ANTXRL: variants seen among roughly 807,000 people sequenced by gnomAD.
ANTXRL encodes the protein anthrax toxin receptor-like.
ANTXRL carries 63 observed loss-of-function variants against 75.4 expected under a neutral mutation model. The observed-to-expected ratio is 0.84, with a 90% CI of 0.68 to 1.03. The LOEUF (loss-of-function observed/expected upper bound fraction) is 1.03, where lower values mean the gene tolerates loss of function less well. Among genes scored for constraint, ANTXRL ranks in the 50% least tolerant of loss-of-function variants. ANTXRL has a pLI of 0.00. For synonymous variants in ANTXRL, 335 were observed against 291.3 expected, an observed-to-expected ratio of 1.15 and a Z score of -1.53; for missense variants, 797 against 789.4, an observed-to-expected ratio of 1.01 and a Z score of -0.12.
At chr10:46,288,686 A>T (rs1836859616) in intron 1 of ANTXRL, among the ~76,000 whole-genome samples, 1 of 152,086 alleles carries the variant, frequency 6.6e-6, no homozygotes, top group Non-Finnish European at 1.5e-5. Context: ...CACCTTGCCA[A>T]GTGTGATGAG....
intron 12 of ANTXRL, chr10:46,308,701 G>C (rs562647233): frequency 2.1e-5 from 7 of 338,436 alleles, no homozygotes; most frequent in African/African-American, 1.5e-4. Context: ...GTGCGTGGAT[G>C]TGCCCACGGT....
intron 1 of ANTXRL, among the ~76,000 whole-genome samples, chr10:46,290,452 C>G (rs1414189311): frequency 2.6e-5 from 4 of 152,200 alleles, no homozygotes; most frequent in African/African-American, 9.7e-5. Flanking sequence ...AGTCCCTACT[C>G]TCACTTCTTT....
At chr10:46,290,045 C>CTTTTT (rs34276033) in intron 1 of ANTXRL, among the ~76,000 whole-genome samples, 2,435 of 119,532 alleles carry the variant, frequency 0.02, 121 homozygotes, top group East Asian at 0.094. Flanking sequence ...TTTTCTTTAT[C>CTTTTT]TTTTTTTTTT....
chr10:46,306,449 C>T lies in ANTXRL; in HGVS notation c.896-354C>T, dbSNP rs188264151. Reference sequence around the variant, plus strand: ...ATAGGAGAAGTCATGCATAATGAAGCGGCTGTCCCTTCCTCTCTGGTTCCC... The same window carrying T: ...ATAGGAGAAGTCATGCATAATGAAGTGGCTGTCCCTTCCTCTCTGGTTCCC... On this transcript the variant is annotated intron_variant, in intron 10 of 16. Coordinates refer to ENST00000620264, the MANE Select transcript of ANTXRL (RefSeq NM_001278688.3). 9.9e-5 allele frequency among the ~76,000 whole-genome samples: 15 copies of T among 152,250 alleles called. No homozygotes were observed. The East Asian group carries it at 2.3e-3, about 23-fold the overall frequency.
intron 2 of ANTXRL, among the ~76,000 whole-genome samples, 197 bp downstream of exon 2, chr10:46,292,326 C>T (rs1837026219): frequency 1.3e-5 from 2 of 152,078 alleles, no homozygotes; most frequent in Non-Finnish European, 2.9e-5. Context: ...CCTTGGCTGG[C>T]TCCTGCCTGT....
At chr10:46,308,205 G>A (rs1838206959) in intron 12 of ANTXRL, among the ~76,000 whole-genome samples, 1 of 152,116 alleles carries the variant, frequency 6.6e-6, no homozygotes, top group African/African-American at 2.4e-5. Context: ...ATCCTTGCCT[G>A]TCCCTGCACA....
intron 9 of ANTXRL, among the ~76,000 whole-genome samples, chr10:46,300,722 C>A (rs1837676148): frequency 1.3e-5 from 2 of 152,170 alleles, no homozygotes; most frequent in Admixed American, 1.3e-4. Context: ...TCCCTGATGA[C>A]CAGCCCCTCT....
chr10:46,293,272 G>A (rs114942355), intron 2 of ANTXRL, among the ~76,000 whole-genome samples: 5 of 74,664 alleles, frequency 6.7e-5, no homozygotes, highest in Admixed American at 4.1e-4. Flanking sequence ...ATACCTGTGC[G>A]TGTGTGAGAG....
At chr10:46,293,430 G>A (rs1241378154) in intron 2 of ANTXRL, among the ~76,000 whole-genome samples, 1 of 149,936 alleles carries the variant, frequency 6.7e-6, no homozygotes, top group African/African-American at 2.5e-5. Flanking sequence ...GTGTGTGCGT[G>A]TATGGGTGCA....
rs1839400640 is a variant in ANTXRL at position 46,329,722 on chromosome 10, A to T, written c.1534A>T (p.Met512Leu). The T allele has an allele frequency of 2.6e-6, 4 of 1,535,174 alleles. No individual in the cohort carries two copies. The highest frequency in any genetic ancestry group is 2.6e-6 in the Non-Finnish European group (3 of 1,146,754). Reference protein sequence around the residue: ...SLPQAPCSPRMCLRHSRECLA... With the variant: ...SLPQAPCSPRLCLRHSRECLA... ...ACCACAGGCTCCCTGCAGCCCAAGG[A>T]TGTGCCTGAGACACAGCCGGGAGTG... The change falls in exon 17 of 17, where the codon ATG becomes TTG. Residue 512 changes from methionine to leucine, a missense_variant. Physicochemically the swap from Met to Leu is conservative, Grantham distance 15. This residue lies in a region of ANTXRL where 479 missense variants were observed against 422.0 expected (regional missense o/e 1.14). Transcript: ENST00000620264.
intron 16 of ANTXRL, among the ~76,000 whole-genome samples, chr10:46,320,258 C>A (rs1368299510): frequency 6.6e-6 from 1 of 152,142 alleles, no homozygotes; most frequent in Non-Finnish European, 1.5e-5. Context: ...TAGTGGGGAA[C>A]CCACTGTATG....
chr10:46,304,532 A>C (rs1202632006), intron 10 of ANTXRL, among the ~76,000 whole-genome samples: 4 of 152,096 alleles, frequency 2.6e-5, no homozygotes, highest in Admixed American at 2.6e-4. Context: ...TAAGTCTGCA[A>C]TGGCTTTTGT....
chr10:46,287,916 A>G (rs1836831129), intron 1 of ANTXRL, among the ~76,000 whole-genome samples: 1 of 152,048 alleles, frequency 6.6e-6, no homozygotes, highest in Non-Finnish European at 1.5e-5. Flanking sequence ...CTTCTATTTT[A>G]CTGGGCCCCA....
At chr10:46,294,455 G>A in intron 3 of ANTXRL, among the ~76,000 whole-genome samples, 1 of 152,164 alleles carries the variant, frequency 6.6e-6, no homozygotes, top group East Asian at 1.9e-4. Context: ...CAGGAGGCTG[G>A]AGCCCAGGCC....
intron 7 of ANTXRL, 40 bp from the exon 8 acceptor site, chr10:46,297,791 C>T: frequency 3.3e-6 from 5 of 1,515,430 alleles, no homozygotes; most frequent in Non-Finnish European, 4.4e-6. Flanking sequence ...TGCATCCTCA[C>T]CTCCTGGTGG....
intron 9 of ANTXRL, among the ~76,000 whole-genome samples, chr10:46,300,658 G>A (rs781952135): frequency 6.6e-6 from 1 of 152,054 alleles, no homozygotes; most frequent in Non-Finnish European, 1.5e-5. Flanking sequence ...TTGAAGGGCC[G>A]AGCCCACCTG....
chr10:46,296,207 A>G lies in ANTXRL; in HGVS notation c.475-12A>G, dbSNP rs1404295897. ...CACTGTCCAGGCTCAATATTTCTTC[A>G]TTTTCTTGCAGGCAATTCAACAGAT... is the stretch of plus-strand genomic sequence containing the variant. On this transcript the variant is annotated splice_polypyrimidine_tract_variant and intron_variant, in intron 4 of 16. Transcript: ENST00000620264. 2.0e-6 allele frequency: 3 copies of G among 1,535,620 alleles called. No homozygotes were observed. The African/African-American group carries it at 4.1e-5, about 21-fold the overall frequency.
intron 10 of ANTXRL, among the ~76,000 whole-genome samples, chr10:46,305,568 G>A (rs1838026702): frequency 6.6e-6 from 1 of 152,130 alleles, no homozygotes; most frequent in Non-Finnish European, 1.5e-5. Context: ...CTGGGAAGCC[G>A]GGGTCCTGGC....
At chr10:46,301,353 C>T (rs1211096311) in intron 9 of ANTXRL, among the ~76,000 whole-genome samples, 2 of 152,230 alleles carry the variant, frequency 1.3e-5, no homozygotes, top group Non-Finnish European at 2.9e-5. Flanking sequence ...GAACAGGGCA[C>T]CAAGTTGGCA....
Sources: gnomAD v4.1 joint callset for allele counts (sites outside exome capture counted in the v4.1 genomes callset) on GRCh38, gnomAD v4.1.1 for gene constraint, gnomAD v4.1.1 regional missense constraint, MANE v1.5 for transcripts, NCBI Gene and HGNC (gene_info 2026-07-23, HGNC 2026-07-21) for gene names.